Variants in QSER1 observed in about 807,000 individuals in gnomAD.
The protein encoded by QSER1 is glutamine and serine rich 1.
In QSER1, 49 loss-of-function variants were observed where a neutral mutation model predicts 158.5. The ratio of observed to expected loss-of-function variants is 0.31; its 90% confidence interval spans 0.25 to 0.39. QSER1 has a LOEUF of 0.39. QSER1 is among the 10% of genes least tolerant of loss of function. QSER1 has a pLI of 1.00. For synonymous variants in QSER1, 650 were observed against 715.5 expected, an observed-to-expected ratio of 0.91 and a Z score of 1.46; for missense variants, 1,754 against 2,010.3, an observed-to-expected ratio of 0.87 and a Z score of 2.44.
Position 32,977,593 on chromosome 11 carries a change from G to C in QSER1, c.*1119G>C, listed in dbSNP as rs1852999708. 1 of 152,592 alleles carries C rather than the reference G, an allele frequency of 6.6e-6. No homozygotes were observed. Among genetic ancestry groups the C allele is most frequent in the African/African-American group, 2.4e-5 (1 of 41,440 alleles). The allele number at this position is 152,592 out of a possible 1,614,324, so 9.5% of individuals were successfully genotyped here. ...ACAGCTTCCTTAACTCTTAGAACTG[G>C]AAGTTGTAGAGCTCTCCTTTTGGTG... On this transcript the variant is annotated 3_prime_UTR_variant, in exon 13 of 13. Coordinates refer to ENST00000650167, the MANE Select transcript of QSER1 (RefSeq NM_001076786.3).
intron 4 of QSER1, among the ~76,000 whole-genome samples, chr11:32,935,780 C>T (rs1396592722): frequency 6.6e-6 from 1 of 152,142 alleles, no homozygotes; most frequent in African/African-American, 2.4e-5. Context: ...CCAATTTTAT[C>T]TGAAGATTAA....
chr11:32,903,449 T>C (rs1851649900), intron 1 of QSER1, among the ~76,000 whole-genome samples: 1 of 150,354 alleles, frequency 6.7e-6, no homozygotes, highest in Non-Finnish European at 1.5e-5. Context: ...CAGAATGGGA[T>C]GTGGATGGAG....
At chr11:32,928,837 T>G (rs1445983694) in intron 3 of QSER1, among the ~76,000 whole-genome samples, 1 of 152,130 alleles carries the variant, frequency 6.6e-6, no homozygotes, top group African/African-American at 2.4e-5. Flanking sequence ...TCAGTTTGCC[T>G]TAGCAACATT....
chr11:32,930,331 T>G (rs1177438128), intron 3 of QSER1, among the ~76,000 whole-genome samples: 1 of 152,200 alleles, frequency 6.6e-6, no homozygotes, highest in Non-Finnish European at 1.5e-5. Flanking sequence ...TCTAGTTCAG[T>G]GTATTATTTT....
intron 4 of QSER1, 84 bp downstream of exon 4, chr11:32,935,519 A>C: frequency 9.8e-7 from 1 of 1,015,618 alleles, no homozygotes; most frequent in Non-Finnish European, 1.4e-6. Context: ...TTTTTCACTT[A>C]AAGCAGGTCT....
chr11:32,910,798 A>T (rs546913844), intron 1 of QSER1, among the ~76,000 whole-genome samples: 1 of 152,312 alleles, frequency 6.6e-6, no homozygotes, highest in East Asian at 1.9e-4. Context: ...ATAAATTAGG[A>T]TTTACAAGCA....
At position 32,915,345 on chromosome 11, in the gene QSER1, T is replaced by C. The variant is rs185321697; in HGVS notation, c.210-11812T>C. ...CTTACTCATGAGTGTGGGGAGGAGA[T>C]AGAAGATTTGTTTTATGCTAGGGCT... On this transcript the variant is annotated intron_variant, in intron 1 of 12. Transcript: ENST00000650167. 4.6e-5 allele frequency among the ~76,000 whole-genome samples: 7 copies of C among 152,324 alleles called. No individual in the cohort carries two copies. In the East Asian group the frequency reaches 7.7e-4, roughly 17 times the overall value.
chr11:32,950,145 A>G (rs549246315), intron 4 of QSER1, among the ~76,000 whole-genome samples: 1 of 151,862 alleles, frequency 6.6e-6, no homozygotes, highest in African/African-American at 2.4e-5. Context: ...CCCAGACTGG[A>G]GTGCAGTGTT....
intron 1 of QSER1, 120 bp from the exon 2 acceptor site, chr11:32,927,037 T>A (rs1486664755): frequency 2.6e-5 from 4 of 152,642 alleles, no homozygotes; most frequent in African/African-American, 9.6e-5. Context: ...GATCCACGAA[T>A]CTATAGGTCA....
intron 1 of QSER1, among the ~76,000 whole-genome samples, chr11:32,906,376 C>T (rs961235885): frequency 5.3e-5 from 8 of 152,112 alleles, no homozygotes; most frequent in Admixed American, 2.0e-4. Context: ...GAGCCGAGAT[C>T]GGCGCCACTG....
chr11:32,966,377 G>C lies in QSER1; in HGVS notation c.5047G>C (p.Glu1683Gln). 1 of 1,614,000 alleles carries C rather than the reference G, an allele frequency of 6.2e-7. No individual in the cohort carries two copies. ...GAAGGAAACCTTTAAGAGCTACATG[G>C]AATTGCTTGTTAGCATTGCCTTGGA... The part of the protein sequence containing the change: ...AMKETFKSYM[E>Q]LLVSIALDPD... Residue 1683 changes from glutamate to glutamine, a missense_variant, in exon 9 of 13, where the codon GAA becomes CAA. Physicochemically the swap from Glu to Gln is conservative, Grantham distance 29. Around this residue, in one of 2 missense-constraint regions of QSER1, gnomAD observed 1,707 missense variants for 1,919.6 expected, o/e 0.89. Coordinates refer to ENST00000650167, the MANE Select transcript of QSER1 (RefSeq NM_001076786.3).
Position 32,933,332 on chromosome 11 carries a change from G to T in QSER1, c.2074G>T (p.Gly692Cys). The T allele has an allele frequency of 6.2e-7, 1 of 1,611,914 alleles. No individual in the cohort carries two copies. Among genetic ancestry groups the T allele is most frequent in the Non-Finnish European group, 8.5e-7 (1 of 1,179,322 alleles). ...GTATCCATCTTCAAAGCAAGAAGAT[G>T]GTTTTCCAATGCAAGAGTTACAGGT... The part of the protein sequence containing the change: ...DVYPSSKQED[G>C]FPMQELQVLQ... The change falls in exon 4 of 13, where the codon GGT becomes TGT. Residue 692 changes from glycine to cysteine, a missense_variant. By Grantham distance (159) the Gly-to-Cys change is radical (BLOSUM62 -3). This residue lies in a region of QSER1 where 1,707 missense variants were observed against 1,919.6 expected (regional missense o/e 0.89). Transcript: ENST00000650167.
intron 1 of QSER1, among the ~76,000 whole-genome samples, chr11:32,906,704 C>T (rs1020897618): frequency 5.3e-5 from 8 of 152,072 alleles, no homozygotes; most frequent in African/African-American, 1.9e-4. Context: ...TGAGCCACTG[C>T]GCCTGGCCAA....
rs562526200 is a variant in QSER1 at position 32,892,843 on chromosome 11, GGCC to G, written c.-266_-264del. Among the ~76,000 whole-genome samples, 220 of 144,868 alleles carry G rather than the reference GGCC, an allele frequency of 1.5e-3. No homozygotes were observed. Among genetic ancestry groups the G allele is most frequent in the East Asian group, 9.6e-3 (45 of 4,706 alleles). On this transcript the variant is annotated 5_prime_UTR_variant, in exon 1 of 13. Transcript: ENST00000650167. ...GAAATCCACCAACATGGGGCGCAGCGGCCGCCGCCGCCGCCGCCGTCGCCGCGA... is the reference window on the plus strand; with the variant it reads ...GAAATCCACCAACATGGGGCGCAGCGGCCGCCGCCGCCGCCGTCGCCGCGA...
chr11:32,976,653 C>A lies in QSER1; in HGVS notation c.*179C>A. On this transcript the variant is annotated 3_prime_UTR_variant, in exon 13 of 13. Transcript: ENST00000650167. ...GGCCTTTAGGAACGAAGTTAGTCCT[C>A]TGGAAATGGACCTAAATCCCACCAC... 1.6e-6 allele frequency: 1 copy of A among 609,286 alleles called. No individual in the cohort carries two copies. The allele number at this position is 609,286 out of a possible 1,614,324, so 37.7% of individuals were successfully genotyped here. A position where few individuals can be genotyped will look rare whatever the true frequency, so the allele number is the denominator to read the frequency against.
chr11:32,930,903 T>C (rs1311244025), intron 3 of QSER1, among the ~76,000 whole-genome samples: 3 of 152,232 alleles, frequency 2.0e-5, no homozygotes, highest in African/African-American at 7.2e-5. Context: ...CAGTACTTTG[T>C]TAATTTCTGA....
intron 4 of QSER1, among the ~76,000 whole-genome samples, chr11:32,940,084 G>T (rs1016203069): frequency 1.3e-5 from 2 of 151,904 alleles, no homozygotes; most frequent in African/African-American, 4.8e-5. Flanking sequence ...GATGCCTTAG[G>T]GGCCTTGTTT....
At chr11:32,939,154 T>A (rs1852194743) in intron 4 of QSER1, among the ~76,000 whole-genome samples, 1 of 152,236 alleles carries the variant, frequency 6.6e-6, no homozygotes, top group Admixed American at 6.5e-5. Flanking sequence ...TATAGTCTAG[T>A]TACAATTTGA....
chr11:32,972,950 A>C (rs1270338258), intron 10 of QSER1, among the ~76,000 whole-genome samples: 2 of 152,212 alleles, frequency 1.3e-5, no homozygotes, highest in Non-Finnish European at 2.9e-5. Flanking sequence ...AGCAAGGCCC[A>C]GCCACATTTC....
Sources: gnomAD v4.1 joint callset for allele counts (sites outside exome capture counted in the v4.1 genomes callset) on GRCh38, gnomAD v4.1.1 for gene constraint, gnomAD v4.1.1 regional missense constraint, MANE v1.5 for transcripts, NCBI Gene and HGNC (gene_info 2026-07-23, HGNC 2026-07-21) for gene names.